FAM107B: variants seen among roughly 807,000 people sequenced by gnomAD.
The protein encoded by FAM107B is family with sequence similarity 107 member B, also known as protein FAM107B.
Under a neutral mutation model 31.5 loss-of-function variants are expected in FAM107B, and 21 were observed. The observed-to-expected ratio is 0.67, with a 90% CI of 0.47 to 0.96. The LOEUF (loss-of-function observed/expected upper bound fraction) is 0.96. Among genes scored for constraint, FAM107B ranks in the 40% least tolerant of loss-of-function variants. The probability of loss-of-function intolerance (pLI) is 0.00; values close to 1 mark genes in which losing one functional copy is unlikely to be tolerated. For missense variants in FAM107B, 452 were observed against 377.1 expected (o/e 1.20, Z -1.64); for synonymous variants, 157 against 141.5 (o/e 1.11, Z -0.78).
In FAM107B at chr10:14,719,432, G is replaced by A. The variant is rs573016695; in HGVS notation, c.412-51741C>T. ...AATGATTTTTTTCATCTTGAGAATCGAAATGAAATCCATTCATGTTCTTTC... is the reference window on the plus strand; with the variant it reads ...AATGATTTTTTTCATCTTGAGAATCAAAATGAAATCCATTCATGTTCTTTC... On this transcript the variant is annotated intron_variant, in intron 1 of 4. Coordinates refer to ENST00000181796, the MANE Select transcript of FAM107B (RefSeq NM_031453.4). Among the ~76,000 whole-genome samples, 61 of 152,176 alleles carry A rather than the reference G, an allele frequency of 4.0e-4. No individual in the cohort carries two copies. In the South Asian group the frequency reaches 0.011, roughly 28 times the overall value.
chr10:14,634,377 A>C (rs1409141210), intron 2 of FAM107B, among the ~76,000 whole-genome samples: 1 of 149,226 alleles, frequency 6.7e-6, no homozygotes, highest in Non-Finnish European at 1.5e-5. Flanking sequence ...TCCAGCCTGG[A>C]CCACAGAGCG....
chr10:14,545,551 C>G (rs77709436), intron 2 of FAM107B, among the ~76,000 whole-genome samples: 1 of 152,196 alleles, frequency 6.6e-6, no homozygotes, highest in East Asian at 1.9e-4. Flanking sequence ...GCAGCAGATA[C>G]TGACTAAACA....
intron 2 of FAM107B, among the ~76,000 whole-genome samples, chr10:14,634,856 G>A (rs1427304232): frequency 6.6e-6 from 1 of 152,094 alleles, no homozygotes; most frequent in African/African-American, 2.4e-5. Flanking sequence ...TTAGGAGGCC[G>A]AGGCAGGCAG....
At chr10:14,681,404 A>G (rs1854831566) in intron 1 of FAM107B, among the ~76,000 whole-genome samples, 1 of 152,142 alleles carries the variant, frequency 6.6e-6, no homozygotes, top group Non-Finnish European at 1.5e-5. Context: ...GTGTCATTCC[A>G]TAGGGTCCTT....
intron 2 of FAM107B, among the ~76,000 whole-genome samples, chr10:14,582,367 T>C (rs541925882): frequency 9.0e-6 from 1 of 111,068 alleles, no homozygotes; most frequent in East Asian, 2.5e-4. Context: ...GTTTTTGTTT[T>C]TTCTTTTCTT....
intron 2 of FAM107B, among the ~76,000 whole-genome samples, chr10:14,594,816 A>G (rs1186585955): frequency 6.6e-6 from 1 of 152,236 alleles, no homozygotes; most frequent in Non-Finnish European, 1.5e-5. Context: ...TGCCTGGCAT[A>G]TAACAAATGC....
rs1461205778 is a variant in FAM107B, at chr10:14,533,928, G to GA, written c.470-3414dup. ...ACACGGGCACTGCGAGCCGGTGCAG[G>GA]AGGGGGGGGCTGCGGTTGACTTTTC... is the stretch of plus-strand genomic sequence containing the variant. On this transcript the variant is annotated intron_variant, in intron 2 of 4. Transcript: ENST00000181796. Among the ~76,000 whole-genome samples the GA allele has an allele frequency of 2.0e-5, 3 of 152,118 alleles. No homozygotes were observed. In the East Asian group the frequency reaches 5.8e-4, roughly 29 times the overall value.
At chr10:14,553,200 A>C (rs1849414778) in intron 2 of FAM107B, 2 of 308,126 alleles carry the variant, frequency 6.5e-6, no homozygotes, top group South Asian at 3.6e-5. Flanking sequence ...TGAATGAGGG[A>C]GAGAATACAA....
chr10:14,560,174 G>A (rs995019751), intron 2 of FAM107B, among the ~76,000 whole-genome samples: 1 of 151,770 alleles, frequency 6.6e-6, no homozygotes, highest in Non-Finnish European at 1.5e-5. Flanking sequence ...AACACCAACA[G>A]TTTGTCCCAT....
At chr10:14,771,791 C>T (rs1425239782) in intron 1 of FAM107B, among the ~76,000 whole-genome samples, 3 of 152,168 alleles carry the variant, frequency 2.0e-5, no homozygotes, top group Non-Finnish European at 2.9e-5. Context: ...CTCTGGGTGA[C>T]AGGCATGAGC....
intron 2 of FAM107B, among the ~76,000 whole-genome samples, chr10:14,564,716 G>A (rs928379980): frequency 1.3e-5 from 2 of 152,014 alleles, no homozygotes; most frequent in Admixed American, 6.6e-5. Flanking sequence ...TGCCCAGATC[G>A]CAACAGAAAT....
intron 1 of FAM107B, among the ~76,000 whole-genome samples, chr10:14,709,254 T>C (rs1431421329): frequency 6.6e-6 from 1 of 152,232 alleles, no homozygotes; most frequent in East Asian, 1.9e-4. Flanking sequence ...GGTATGTTTA[T>C]GGAAGTTTTA....
chr10:14,773,883 T>C (rs1428986710), intron 1 of FAM107B, among the ~76,000 whole-genome samples: 1 of 152,076 alleles, frequency 6.6e-6, no homozygotes. Context: ...TTCATATAAA[T>C]AAATTGACAG....
At chr10:14,550,534 C>T (rs1849157935) in intron 2 of FAM107B, among the ~76,000 whole-genome samples, 1 of 152,230 alleles carries the variant, frequency 6.6e-6, no homozygotes, top group South Asian at 2.1e-4. Flanking sequence ...TTAAATCCTA[C>T]AGCAGCAGTA....
intron 1 of FAM107B, among the ~76,000 whole-genome samples, chr10:14,743,170 T>C (rs1832657296): frequency 6.6e-6 from 1 of 152,216 alleles, no homozygotes; most frequent in Admixed American, 6.5e-5. Context: ...TATGTCTTCT[T>C]TTGAGACGTG....
intron 2 of FAM107B, among the ~76,000 whole-genome samples, chr10:14,590,055 G>C (rs2131336390): frequency 6.6e-6 from 1 of 152,296 alleles, no homozygotes; most frequent in African/African-American, 2.4e-5. Flanking sequence ...CCTTATTCCA[G>C]GATGAGTTTT....
chr10:14,737,009 G>A (rs1366047105), intron 1 of FAM107B, among the ~76,000 whole-genome samples: 5 of 152,244 alleles, frequency 3.3e-5, no homozygotes, highest in Admixed American at 6.5e-5. Context: ...TGAGGAAGGC[G>A]GGGAGTATGA....
chr10:14,685,627 A>G (rs1271987014), intron 1 of FAM107B, among the ~76,000 whole-genome samples: 2 of 152,160 alleles, frequency 1.3e-5, no homozygotes, highest in Non-Finnish European at 2.9e-5. Context: ...TAAAGTTCAG[A>G]CAAGAGTCTC....
intron 1 of FAM107B, among the ~76,000 whole-genome samples, chr10:14,721,328 C>T (rs1305319974): frequency 1.3e-5 from 2 of 152,114 alleles, no homozygotes; most frequent in Non-Finnish European, 2.9e-5. Context: ...GTCTTTATAG[C>T]AGCATGATTT....
Sources: allele counts gnomAD v4.1 joint callset (sites outside exome capture counted in the v4.1 genomes callset), GRCh38; gene constraint gnomAD v4.1.1; transcripts MANE v1.5; gene names NCBI Gene and HGNC (gene_info 2026-07-23, HGNC 2026-07-21).